Variants in XKR9 observed in about 807,000 individuals in gnomAD.
XKR9 encodes XK-related protein 9.
A neutral mutation model predicts 32.0 loss-of-function variants in XKR9; 32 were observed. The observed-to-expected ratio is 1.00, with a 90% CI of 0.76 to 1.34. XKR9 has a LOEUF of 1.34. Among genes scored for constraint, XKR9 ranks in the 40% most tolerant of loss-of-function variants. The probability of loss-of-function intolerance (pLI) is 0.00; values close to 1 mark genes in which losing one functional copy is unlikely to be tolerated. For synonymous variants in XKR9, 168 were observed against 143.4 expected (o/e 1.17, Z -1.22); for missense variants, 546 against 429.7 (o/e 1.27, Z -2.39).
At chr8:70,871,052 G>A in the XKR9 span, among the ~76,000 whole-genome samples, 1 of 152,094 alleles carries the variant, frequency 6.6e-6, no homozygotes, top group Non-Finnish European at 1.5e-5. Flanking sequence ...ATTTCAAGTT[G>A]TAATTTATAT....
chr8:70,850,195 C>A, the XKR9 span, among the ~76,000 whole-genome samples: 1 of 152,144 alleles, frequency 6.6e-6, no homozygotes, highest in African/African-American at 2.4e-5. Context: ...GGCACGGTGG[C>A]TCACACCTCT....
the XKR9 span, among the ~76,000 whole-genome samples, chr8:70,899,975 A>G: frequency 2.6e-5 from 4 of 152,326 alleles, no homozygotes; most frequent in African/African-American, 9.6e-5. Flanking sequence ...TGCATACACA[A>G]TTAGCATCTA....
chr8:70,881,562 G>T, the XKR9 span, among the ~76,000 whole-genome samples: 1 of 152,168 alleles, frequency 6.6e-6, no homozygotes, highest in South Asian at 2.1e-4. Flanking sequence ...AAACCACAAT[G>T]AGATAACATC....
At chr8:70,730,430 T>A (rs11777468) in intron 4 of XKR9, among the ~76,000 whole-genome samples, 2,916 of 152,268 alleles carry the variant, frequency 0.019, 39 homozygotes, top group South Asian at 0.043. Flanking sequence ...TCTTTTAAAT[T>A]TCTTATTACC....
At chr8:70,778,771 A>T (rs777849455) in intron 2 of XKR9, among the ~76,000 whole-genome samples, 1 of 152,080 alleles carries the variant, frequency 6.6e-6, no homozygotes. Context: ...GTGTATAGGG[A>T]TGCTTGTGAT....
At chr8:71,049,753 C>T in the XKR9 span, among the ~76,000 whole-genome samples, 2 of 152,066 alleles carry the variant, frequency 1.3e-5, no homozygotes, top group African/African-American at 4.8e-5. Flanking sequence ...TCAGAAGAGC[C>T]TCGTTTAAGG....
At chr8:70,989,751 A>T in the XKR9 span, among the ~76,000 whole-genome samples, 1 of 152,202 alleles carries the variant, frequency 6.6e-6, no homozygotes, top group African/African-American at 2.4e-5. Context: ...TTATATTCAC[A>T]ATATGGTGCA....
At chr8:70,939,448 A>T in the XKR9 span, among the ~76,000 whole-genome samples, 2 of 152,074 alleles carry the variant, frequency 1.3e-5, no homozygotes, top group Non-Finnish European at 2.9e-5. Context: ...GAGGCTGTTT[A>T]AGGGTATACA....
At chr8:70,906,629 A>G in the XKR9 span, among the ~76,000 whole-genome samples, 1 of 152,226 alleles carries the variant, frequency 6.6e-6, no homozygotes, top group African/African-American at 2.4e-5. Context: ...ACACTTATCT[A>G]CATAAATTAT....
intron 4 of XKR9, among the ~76,000 whole-genome samples, chr8:70,721,052 T>A (rs1333882417): frequency 6.6e-6 from 1 of 152,216 alleles, no homozygotes; most frequent in Non-Finnish European, 1.5e-5. Context: ...TCCAGGAATT[T>A]ATCCATTTCT....
chr8:70,759,059 G>C (rs1045576184), intron 2 of XKR9, among the ~76,000 whole-genome samples: 2 of 152,168 alleles, frequency 1.3e-5, no homozygotes, highest in Non-Finnish European at 2.9e-5. Flanking sequence ...TAAAAGCCTT[G>C]TTCCCCTTCT....
the XKR9 span, among the ~76,000 whole-genome samples, chr8:70,807,046 C>T: frequency 6.6e-6 from 1 of 152,124 alleles, no homozygotes; most frequent in Non-Finnish European, 1.5e-5. Flanking sequence ...AAGGGAAGCC[C>T]ATCAGACTAA....
intron 2 of XKR9, among the ~76,000 whole-genome samples, chr8:70,774,705 A>G (rs866968179): frequency 2.4e-4 from 37 of 152,130 alleles, no homozygotes; most frequent in Admixed American, 1.0e-3. Flanking sequence ...TAAAAAATAA[A>G]TTGACCCTAT....
chr8:70,892,514 T>A, the XKR9 span, among the ~76,000 whole-genome samples: 1 of 152,180 alleles, frequency 6.6e-6, no homozygotes, highest in Non-Finnish European at 1.5e-5. Flanking sequence ...GCATTTCTTA[T>A]AGGGCTGGTC....
intron 3 of XKR9, among the ~76,000 whole-genome samples, chr8:70,691,214 G>T (rs1174544758): frequency 6.6e-6 from 1 of 152,174 alleles, no homozygotes; most frequent in Non-Finnish European, 1.5e-5. Flanking sequence ...GTCTTCTTTT[G>T]AGAGGGGTCT....
At chr8:70,848,276 T>C in the XKR9 span, among the ~76,000 whole-genome samples, 1 of 152,054 alleles carries the variant, frequency 6.6e-6, no homozygotes, top group Non-Finnish European at 1.5e-5. Context: ...CCTTTTATGA[T>C]AAGAATCTTG....
chr8:70,722,576 G>T (rs777715409), intron 4 of XKR9, among the ~76,000 whole-genome samples: 3 of 152,120 alleles, frequency 2.0e-5, no homozygotes, highest in Non-Finnish European at 4.4e-5. Flanking sequence ...GGCTGGGTAT[G>T]AATTTCTGAG....
downstream of XKR9, among the ~76,000 whole-genome samples, chr8:70,792,816 GCT>G (rs2130273848): frequency 6.6e-6 from 1 of 152,212 alleles, no homozygotes; most frequent in Non-Finnish European, 1.5e-5. Context: ...ACCCCAGAAA[GCT>G]CTCTCAGCCT....
At chr8:71,051,519 TGGTGGTGG>T in the XKR9 span, among the ~76,000 whole-genome samples, 4 of 91,344 alleles carry the variant, frequency 4.4e-5, no homozygotes, top group African/African-American at 2.0e-4. Context: ...GTGGCGGTGG[TGGTGGTGG>T]GGTGTGTGTG....
Sources: allele counts gnomAD v4.1 joint callset (sites outside exome capture counted in the v4.1 genomes callset), GRCh38; gene constraint gnomAD v4.1.1; transcripts MANE v1.5; gene names NCBI Gene and HGNC (gene_info 2026-07-23, HGNC 2026-07-21).